FAM47E: variants seen among roughly 807,000 people sequenced by gnomAD.
The protein encoded by FAM47E is family with sequence similarity 47 member E.
FAM47E carries 32 observed loss-of-function variants against 41.6 expected under a neutral mutation model. The ratio of observed to expected loss-of-function variants is 0.77; its 90% CI spans 0.58 to 1.03. The LOEUF is 1.03. Among genes scored for constraint, FAM47E ranks in the 50% least tolerant of loss-of-function variants. The pLI is 0.00. For missense variants in FAM47E, 424 were observed against 485.4 expected (o/e 0.87, Z 1.19); for synonymous variants, 184 against 188.7 (o/e 0.98, Z 0.20).
At chr4:76,263,920 T>C (rs558326053) in intron 3 of FAM47E, 77 bp downstream of exon 3, 16 of 1,501,800 alleles carry the variant, frequency 1.1e-5, no homozygotes, top group Non-Finnish European at 1.4e-5. Flanking sequence ...TTAAAACTTC[T>C]CATCTTTAGA....
intron 3 of FAM47E, chr4:76,268,227 A>G (rs10025494): frequency 0.22 from 36,324 of 164,492 alleles, 4,338 homozygotes; most frequent in Middle Eastern, 0.29. Flanking sequence ...AGCATTTTGC[A>G]GCAGTCCAGA....
chr4:76,227,780 G>A (rs1470172631), intron 2 of FAM47E, among the ~76,000 whole-genome samples: 1 of 152,082 alleles, frequency 6.6e-6, no homozygotes, highest in Non-Finnish European at 1.5e-5. Context: ...TATATAATGT[G>A]CCACCTCTTT....
intron 2 of FAM47E, among the ~76,000 whole-genome samples, chr4:76,220,028 C>T (rs1318296028): frequency 6.6e-6 from 1 of 152,182 alleles, no homozygotes. Flanking sequence ...GCTTCAATTG[C>T]ACTGCAAGCT....
intron 2 of FAM47E, among the ~76,000 whole-genome samples, chr4:76,260,880 T>C (rs2904221): frequency 0.67 from 101,783 of 151,602 alleles, 34,692 homozygotes; most frequent in South Asian, 0.79. Context: ...AAAACAATTC[T>C]ATTAAAAAGT....
At chr4:76,271,881 T>C (rs767566218) in intron 5 of FAM47E, 113 bp downstream of exon 5, 12 of 1,245,464 alleles carry the variant, frequency 9.6e-6, no homozygotes, top group Non-Finnish European at 1.3e-5. Flanking sequence ...AGTAGAATTC[T>C]GGAATTTTTT....
At chr4:76,242,890 A>G (rs1233173972) in intron 2 of FAM47E, among the ~76,000 whole-genome samples, 1 of 152,206 alleles carries the variant, frequency 6.6e-6, no homozygotes, top group Admixed American at 6.5e-5. Context: ...CGTGGCTCAC[A>G]TTTGTGGATT....
chr4:76,234,406 G>GAATGGT (rs1733547620), intron 2 of FAM47E: 1 of 152,314 alleles, frequency 6.6e-6, no homozygotes, highest in Admixed American at 6.5e-5. Context: ...ATTCAGGCTT[G>GAATGGT]CAGACAATTT....
At chr4:76,270,875 G>A (rs909610002) in intron 4 of FAM47E, among the ~76,000 whole-genome samples, 5 of 151,864 alleles carry the variant, frequency 3.3e-5, no homozygotes, top group African/African-American at 7.3e-5. Flanking sequence ...TCATTATTAC[G>A]TTAGCCTCGT....
chr4:76,241,850 T>C (rs551495522), intron 2 of FAM47E, among the ~76,000 whole-genome samples: 2 of 152,250 alleles, frequency 1.3e-5, no homozygotes, highest in Non-Finnish European at 1.5e-5. Flanking sequence ...AAATAAAATT[T>C]GTTCATTAGT....
intron 2 of FAM47E, among the ~76,000 whole-genome samples, chr4:76,225,635 T>C (rs1733383963): frequency 6.6e-6 from 1 of 152,246 alleles, no homozygotes; most frequent in East Asian, 1.9e-4. Context: ...TCTGCATCTA[T>C]TGAGATGATC....
At position 76,283,585 on chromosome 4, in the gene FAM47E, C is replaced by A; in HGVS notation, c.*127C>A. ...CTGTGGATGTTCAACTTTGACTTGGCAACATCTGTAAATGTAATACCTGAT... is the reference window on the plus strand; with the variant it reads ...CTGTGGATGTTCAACTTTGACTTGGAAACATCTGTAAATGTAATACCTGAT... On this transcript the variant is annotated 3_prime_UTR_variant, in exon 8 of 8. Transcript: ENST00000424749. The A allele has an allele frequency of 1.6e-6, 1 of 612,806 alleles. No homozygotes were observed. Among genetic ancestry groups the A allele is most frequent in the Non-Finnish European group, 2.9e-6 (1 of 342,924 alleles). 38.0% of individuals were successfully genotyped at this position (612,806 alleles called of 1,614,324 possible).
At chr4:76,230,985 C>T (rs1733483724) in intron 2 of FAM47E, among the ~76,000 whole-genome samples, 1 of 152,132 alleles carries the variant, frequency 6.6e-6, no homozygotes. Context: ...CCCTTAGATC[C>T]AGTTTTCTTT....
At chr4:76,215,017 T>A (rs554400797) in intron 1 of FAM47E, among the ~76,000 whole-genome samples, 52 of 152,336 alleles carry the variant, frequency 3.4e-4, no homozygotes, top group South Asian at 1.4e-3. Flanking sequence ...TTTAGCCAAA[T>A]GGGCTTGTCC....
intron 2 of FAM47E, among the ~76,000 whole-genome samples, chr4:76,219,388 G>A (rs1461185131): frequency 1.3e-5 from 2 of 152,204 alleles, no homozygotes; most frequent in Admixed American, 6.5e-5. Flanking sequence ...CTCACTTGAG[G>A]TACTTTGATG....
chr4:76,231,274 T>G (rs1033858496), intron 2 of FAM47E, among the ~76,000 whole-genome samples: 1 of 152,192 alleles, frequency 6.6e-6, no homozygotes, highest in African/African-American at 2.4e-5. Context: ...ATCCTATTCA[T>G]TCCCATCACC....
intron 2 of FAM47E, among the ~76,000 whole-genome samples, chr4:76,221,615 C>T (rs768953885): frequency 6.6e-6 from 1 of 152,052 alleles, no homozygotes; most frequent in Non-Finnish European, 1.5e-5. Context: ...CCACCGCACC[C>T]GGCCTATTCC....
At chr4:76,276,037 G>C (rs62300807) in intron 5 of FAM47E, among the ~76,000 whole-genome samples, 2,770 of 62,238 alleles carry the variant, frequency 0.045, 31 homozygotes, top group Non-Finnish European at 0.055. Context: ...CAGACAGACA[G>C]ACACACACAC....
chr4:76,280,318 A>G lies in FAM47E; in HGVS notation c.1081A>G (p.Ser361Gly). 6.5e-7 allele frequency: 1 copy of G among 1,549,982 alleles called. No individual in the cohort carries two copies. The highest frequency in any genetic ancestry group is 1.2e-5 in the South Asian group (1 of 83,996). The change falls in exon 7 of 8, where the codon AGC (serine) becomes GGC (glycine). Residue 361 changes from serine to glycine, a missense_variant. Physicochemically the swap from Ser to Gly is moderately conservative, Grantham distance 56. Transcript: ENST00000424749. ...GTVAFKDFIL[S>G]RGYRTPRFLE... Reference sequence around the variant, plus strand: ...AGTTGCCTTTAAGGATTTCATTCTAAGCAGGGGCTACAGGACGCCACGTGT... The same window carrying G: ...AGTTGCCTTTAAGGATTTCATTCTAGGCAGGGGCTACAGGACGCCACGTGT...
At chr4:76,261,431 A>G (rs1188767274) in intron 2 of FAM47E, among the ~76,000 whole-genome samples, 1 of 152,246 alleles carries the variant, frequency 6.6e-6, no homozygotes, top group Non-Finnish European at 1.5e-5. Flanking sequence ...CTAAGTGTCC[A>G]TCAATGATGG....
Sources: allele counts gnomAD v4.1 joint callset (sites outside exome capture counted in the v4.1 genomes callset), GRCh38; gene constraint gnomAD v4.1.1; transcripts MANE v1.5; gene names NCBI Gene and HGNC (gene_info 2026-07-23, HGNC 2026-07-21).